ASIC5: variants seen among roughly 807,000 people sequenced by gnomAD.
ASIC5 encodes bile acid-sensitive ion channel.
Under a neutral mutation model 51.2 loss-of-function variants are expected in ASIC5, and 52 were observed. That is an observed-to-expected ratio of 1.02 (90% CI 0.81 to 1.28). The LOEUF is 1.28. Among genes scored for constraint, ASIC5 ranks in the 50% most tolerant of loss-of-function variants. The pLI is 0.00. For synonymous variants in ASIC5, 231 were observed against 200.7 expected (o/e 1.15, Z -1.28); for missense variants, 635 against 595.0 (o/e 1.07, Z -0.70).
chr4:155,830,327 A>G (rs1740846410), intron 9 of ASIC5, among the ~76,000 whole-genome samples: 2 of 152,296 alleles, frequency 1.3e-5, no homozygotes, highest in South Asian at 4.1e-4. Flanking sequence ...CGGTAAATTC[A>G]TTAGAGATTC....
At chr4:155,834,197 GCCT>G (rs1283144552) in intron 8 of ASIC5, among the ~76,000 whole-genome samples, 1 of 152,086 alleles carries the variant, frequency 6.6e-6, no homozygotes, top group Non-Finnish European at 1.5e-5. Context: ...GTCAAGCTAA[GCCT>G]CTCAACATTT....
At chr4:155,855,035 C>A (rs182085876) in intron 2 of ASIC5, among the ~76,000 whole-genome samples, 206 of 152,144 alleles carry the variant, frequency 1.4e-3, no homozygotes, top group Non-Finnish European at 2.0e-3. Context: ...GCACAAAGAA[C>A]AGGCGAAAGA....
At chr4:155,837,628 C>T (rs1741015797) in intron 7 of ASIC5, among the ~76,000 whole-genome samples, 1 of 151,978 alleles carries the variant, frequency 6.6e-6, no homozygotes, top group Admixed American at 6.6e-5. Flanking sequence ...GGTTACTGAC[C>T]AACTTTAGGT....
At chr4:155,842,841 G>A (rs1027145269) in intron 5 of ASIC5, among the ~76,000 whole-genome samples, 3 of 151,960 alleles carry the variant, frequency 2.0e-5, no homozygotes, top group African/African-American at 7.3e-5. Flanking sequence ...TGAGGAAAAT[G>A]GAATTTATTG....
At chr4:155,836,952 T>TA (rs1395102187) in intron 7 of ASIC5, 95 bp from the exon 8 acceptor site, 18 of 935,662 alleles carry the variant, frequency 1.9e-5, no homozygotes, top group Non-Finnish European at 2.8e-5. Context: ...CTTTCAATAT[T>TA]AAAAAAAGGT....
At chr4:155,864,675 G>A (rs190994065) in intron 1 of ASIC5, 2 of 152,196 alleles carry the variant, frequency 1.3e-5, no homozygotes, top group Non-Finnish European at 2.9e-5. Flanking sequence ...TCAAATGGCA[G>A]CAATGGTATC....
At position 155,834,731 on chromosome 4, in the gene ASIC5, A is replaced by C. The variant is rs182295656; in HGVS notation, c.1235+1958T>G. 1.6e-3 allele frequency among the ~76,000 whole-genome samples: 245 copies of C among 152,224 alleles called. 1 individual carries two copies. The highest frequency in any genetic ancestry group is 0.01 in the Middle Eastern group (3 of 294). On this transcript the variant is annotated intron_variant, in intron 8 of 9. Coordinates refer to ENST00000537611, the MANE Select transcript of ASIC5 (RefSeq NM_017419.3). ...AACAGGCATTTCTGTTTTTGCATCC[A>C]AAAAGTTGCCTTTTGGCCCACTACA...
chr4:155,842,120 ATACTC>A, intron 6 of ASIC5, 82 bp downstream of exon 6: 2 of 1,249,304 alleles, frequency 1.6e-6, no homozygotes, highest in Non-Finnish European at 2.3e-6. Context: ...TTGTATTTCA[ATACTC>A]TATTTCTCCC....
rs376534501 is a variant in ASIC5, at chr4:155,829,965, T to C, written c.1409A>G (p.Asn470Ser). ...IIEIIEYLFT[N>S]FYWICIFFLL... ...AAAGAAAATGCATATCCAGTAGAAA[T>C]TGGTGAATAGATATTCAATAATTTC... Residue 470 changes from asparagine to serine, a missense_variant, in exon 10 of 10, where the codon AAT becomes AGT. Physicochemically the swap from Asn to Ser is conservative, Grantham distance 46. Transcript: ENST00000537611. 6.7e-5 allele frequency: 108 copies of C among 1,603,838 alleles called. No homozygotes were observed. Among genetic ancestry groups the C allele is most frequent in the East Asian group, 6.1e-4 (27 of 44,428 alleles).
At chr4:155,837,606 C>T (rs1172965161) in intron 7 of ASIC5, among the ~76,000 whole-genome samples, 2 of 152,066 alleles carry the variant, frequency 1.3e-5, no homozygotes, top group African/African-American at 4.8e-5. Context: ...CAGTTGTTTA[C>T]CAAGACCTCC....
chr4:155,854,082 G>A lies in ASIC5; in HGVS notation c.580C>T (p.Pro194Ser). 5 of 1,605,906 alleles carry A rather than the reference G, an allele frequency of 3.1e-6. No homozygotes were observed. Among genetic ancestry groups the A allele is most frequent in the Non-Finnish European group, 4.3e-6 (5 of 1,173,748 alleles). ...DCEFFGKPCS[P>S]KDFAHVFTEY... ...GAAGAATAGAAAATCGTTACCTTTG[G>A]GCTACATGGCTTTCCAAAAAACTCA... is the stretch of plus-strand genomic sequence containing the variant. The change falls in exon 3 of 10, where the codon CCA becomes TCA. Residue 194 changes from proline (P) to serine (S), a missense_variant. Transcript: ENST00000537611.
chr4:155,864,331 ATCT>A, intron 1 of ASIC5, among the ~76,000 whole-genome samples: 1 of 152,242 alleles, frequency 6.6e-6, no homozygotes. Context: ...TAGTTAAGTA[ATCT>A]ATTTTCTACC....
chr4:155,843,643 C>T (rs761081269), intron 5 of ASIC5, 38 bp downstream of exon 5: 8 of 1,608,342 alleles, frequency 5.0e-6, no homozygotes, highest in Non-Finnish European at 6.8e-6. Context: ...TTGATGCATT[C>T]ACTACCCCAC....
intron 8 of ASIC5, among the ~76,000 whole-genome samples, chr4:155,832,829 A>G (rs1176095992): frequency 6.6e-6 from 1 of 151,844 alleles, no homozygotes; most frequent in African/African-American, 2.4e-5. Flanking sequence ...AGCCTTCATG[A>G]CCTCTCACCT....
chr4:155,857,165 C>G (rs909115766), intron 2 of ASIC5, among the ~76,000 whole-genome samples: 3 of 151,838 alleles, frequency 2.0e-5, no homozygotes, highest in African/African-American at 7.3e-5. Flanking sequence ...AATTTGTTGC[C>G]CAGGTTGGAG....
chr4:155,838,474 C>T (rs538379352), intron 7 of ASIC5, among the ~76,000 whole-genome samples: 2 of 152,010 alleles, frequency 1.3e-5, no homozygotes, highest in South Asian at 4.1e-4. Flanking sequence ...AATAAAACTT[C>T]TATTTATTTT....
chr4:155,859,081 A>G (rs888385713), intron 2 of ASIC5, among the ~76,000 whole-genome samples: 8 of 151,986 alleles, frequency 5.3e-5, no homozygotes, highest in Non-Finnish European at 1.0e-4. Context: ...TGTGCCTTCT[A>G]TCTTTGCAGT....
chr4:155,845,057 C>G (rs1433687159), intron 4 of ASIC5, among the ~76,000 whole-genome samples: 2 of 151,642 alleles, frequency 1.3e-5, no homozygotes, highest in South Asian at 2.1e-4. Flanking sequence ...CTATGGGGAA[C>G]AAGGCCTCTG....
chr4:155,830,035 C>T lies in ASIC5; in HGVS notation c.1339G>A (p.Gly447Ser). The change falls in exon 10 of 10, where the codon GGT (glycine) becomes AGT (serine). Residue 447 changes from glycine to serine, a missense_variant. Transcript: ENST00000537611. The stretch of plus-strand genomic sequence containing the variant: ...GCCCCACAAAATAGACCCAGCTGAC[C>T]ACCAAGATCTGCTGTAATAAAACCA... ...SVSELLADLG[G>S]QLGLFCGASL... The T allele has an allele frequency of 6.5e-7, 1 of 1,544,598 alleles. No homozygotes were observed. The highest frequency in any genetic ancestry group is 2.0e-5 in the Admixed American group (1 of 49,230).
Sources: allele counts gnomAD v4.1 joint callset (sites outside exome capture counted in the v4.1 genomes callset), GRCh38; gene constraint gnomAD v4.1.1; transcripts MANE v1.5; gene names NCBI Gene and HGNC (gene_info 2026-07-23, HGNC 2026-07-21).